The following LGALS8 variants were observed in gnomAD, a reference collection of about 807,000 sequenced individuals.
LGALS8 encodes the protein galectin 8.
LGALS8 carries 30 observed loss-of-function variants against 35.9 expected under a neutral mutation model. The ratio of observed to expected loss-of-function variants is 0.83; its 90% CI spans 0.62 to 1.13. The LOEUF (loss-of-function observed/expected upper bound fraction) is 1.13. Ranked by LOEUF, LGALS8 falls within the 50% of genes most tolerant of loss-of-function variation. LGALS8 has a pLI of 0.00. For missense variants in LGALS8, 366 were observed against 388.7 expected, an observed-to-expected ratio of 0.94 and a Z score of 0.49; for synonymous variants, 138 against 136.1, an observed-to-expected ratio of 1.01 and a Z score of -0.10.
rs1571988021 is a variant in LGALS8, at chr1:236,526,037, G to T, written c.-34G>T. 6.3e-7 allele frequency: 1 copy of T among 1,592,306 alleles called. No individual in the cohort carries two copies. The highest frequency in any genetic ancestry group is 8.6e-7 in the Non-Finnish European group (1 of 1,160,706). ...TGCCTAAAATCTTAGGTCATACACA[G>T]AAGAGACTCCAATCGACAAGAAGCT... is the stretch of plus-strand genomic sequence containing the variant. On this transcript the variant is annotated 5_prime_UTR_variant, in exon 2 of 10. Transcript: ENST00000366584. The surrounding 1 kb of genome is among the most constrained non-coding windows in gnomAD (Gnocchi z 4.6).
chr1:236,543,658 C>T lies in LGALS8; in HGVS notation c.638+10C>T, dbSNP rs1662170135. 1.9e-6 allele frequency: 3 copies of T among 1,599,290 alleles called. No homozygotes were observed. Among genetic ancestry groups the T allele is most frequent in the Non-Finnish European group, 2.6e-6 (3 of 1,166,646 alleles). ...ATGCAAATGCCAAAAGGTCAGTATCCTTCGGTACCAGTCACAGTGCAGATA... is the reference window on the plus strand; with the variant it reads ...ATGCAAATGCCAAAAGGTCAGTATCTTTCGGTACCAGTCACAGTGCAGATA... On this transcript the variant is annotated intron_variant, in intron 8 of 9. Coordinates refer to ENST00000366584, the MANE Select transcript of LGALS8 (RefSeq NM_201544.4).
At chr1:236,543,356 T>G in intron 7 of LGALS8, 1 of 691,646 alleles carries the variant, frequency 1.4e-6, no homozygotes, top group Non-Finnish European at 2.6e-6. Context: ...TTTCATCGTC[T>G]AAAATGTAAT....
Position 236,540,592 on chromosome 1 carries a change from T to C in LGALS8, c.374T>C (p.Leu125Pro). Residue 125 changes from leucine (L) to proline (P), a missense_variant, in exon 5 of 10, where the codon CTC becomes CCC. Leu to Pro is a moderately conservative substitution (Grantham distance 98). Coordinates refer to ENST00000366584, the MANE Select transcript of LGALS8 (RefSeq NM_201544.4). ...QVAVNGKHTLLYGHRIGPEKI... is the reference protein window; with the variant it reads ...QVAVNGKHTLPYGHRIGPEKI... ...GCTGTAAATGGAAAACATACTCTGC[T>C]CTATGGCCACAGGATCGGCCCAGAG... 1.2e-6 allele frequency: 2 copies of C among 1,611,418 alleles called. No homozygotes were observed. The highest frequency in any genetic ancestry group is 1.7e-6 in the Non-Finnish European group (2 of 1,178,850).
At chr1:236,524,647 T>C in intron 1 of LGALS8, 1 of 348,298 alleles carries the variant, frequency 2.9e-6, no homozygotes, top group Non-Finnish European at 5.7e-6. Flanking sequence ...GTGTTCATGC[T>C]GGCGGGACCT....
chr1:236,537,410 T>TC lies in LGALS8; in HGVS notation c.46-86dup, dbSNP rs1157227311. The TC allele has an allele frequency of 6.3e-5, 51 of 803,342 alleles. No homozygotes were observed. The South Asian group carries it at 6.8e-4, about 11-fold the overall frequency. The allele number at this position is 803,342 out of a possible 1,614,324, so 49.8% of individuals were successfully genotyped here. A position where few individuals can be genotyped will look rare whatever the true frequency, so the allele number is the denominator to read the frequency against. On this transcript the variant is annotated intron_variant, in intron 2 of 9. Coordinates refer to ENST00000366584, the MANE Select transcript of LGALS8 (RefSeq NM_201544.4). The stretch of plus-strand genomic sequence containing the variant: ...GTGCAGCCTTAAAAAGTGTAGTTTT[T>TC]CTCTATCAATAATGAGTGTGGGTTG...
chr1:236,544,722 G>GT (rs5781896), intron 8 of LGALS8, 28 bp from the exon 9 acceptor site: 9,540 of 1,326,186 alleles, frequency 7.2e-3, no homozygotes, highest in South Asian at 0.022. Context: ...GTTAATTAAG[G>GT]TTTTTTTTTT....
Position 236,544,694 on chromosome 1 carries a change from A to C in LGALS8, c.639-56A>C, listed in dbSNP as rs1662248290. ...GGTCACTAACATTGCTGAAATTGCCACTACTCTGTCCTACTTGGTTAATTA... is the reference window on the plus strand; with the variant it reads ...GGTCACTAACATTGCTGAAATTGCCCCTACTCTGTCCTACTTGGTTAATTA... On this transcript the variant is annotated intron_variant, in intron 8 of 9. Coordinates refer to ENST00000366584, the MANE Select transcript of LGALS8 (RefSeq NM_201544.4). The C allele has an allele frequency of 2.1e-6, 3 of 1,403,954 alleles. No homozygotes were observed. The African/African-American group carries it at 4.3e-5, about 20-fold the overall frequency. The allele number at this position is 1,403,954 out of a possible 1,614,324, so 87.0% of individuals were successfully genotyped here.
At chr1:236,543,906 T>C (rs1408335048) in intron 8 of LGALS8, among the ~76,000 whole-genome samples, 1 of 151,866 alleles carries the variant, frequency 6.6e-6, no homozygotes, top group Non-Finnish European at 1.5e-5. Flanking sequence ...ATCCTTGCCT[T>C]GTAGAACTCC....
At chr1:236,523,922 G>A (rs1660645149), upstream of LGALS8, 6 of 358,248 alleles carry the variant, frequency 1.7e-5, no homozygotes, top group South Asian at 1.0e-4. Context: ...GCAGTGAGGC[G>A]CGCGAGCCGG....
At chr1:236,547,346 T>C (rs1284267554) in intron 9 of LGALS8, among the ~76,000 whole-genome samples, 1 of 92,768 alleles carries the variant, frequency 1.1e-5, no homozygotes, top group South Asian at 2.7e-4. Context: ...ACACTGCCGA[T>C]GGATCTGAAT....
chr1:236,518,772 A>T (rs1403416140), upstream of LGALS8, among the ~76,000 whole-genome samples: 1 of 152,194 alleles, frequency 6.6e-6, no homozygotes, highest in Non-Finnish European at 1.5e-5. Context: ...TCTAACTTGT[A>T]TTCCAAAATT....
At chr1:236,528,634 C>T (rs1169796733) in intron 2 of LGALS8, among the ~76,000 whole-genome samples, 2 of 146,918 alleles carry the variant, frequency 1.4e-5, no homozygotes, top group Non-Finnish European at 3.0e-5. Context: ...CCACTGCAAC[C>T]TCCACCTCCT....
chr1:236,540,790 C>T, intron 5 of LGALS8, 107 bp downstream of exon 5: 2 of 1,153,604 alleles, frequency 1.7e-6, no homozygotes, highest in Non-Finnish European at 2.4e-6. Flanking sequence ...GGACGTATCT[C>T]CCTGACTGTA....
rs987982408 is a variant in LGALS8 at position 236,537,156 on chromosome 1, A to G, written c.46-341A>G. ...CTCAGCCTCCCGAGTAGCTGGGACT[A>G]CAGGCGCCCACCACCACACCCGGCT... On this transcript the variant is annotated intron_variant, in intron 2 of 9. Coordinates refer to ENST00000366584, the MANE Select transcript of LGALS8 (RefSeq NM_201544.4). Among the ~76,000 whole-genome samples, 5 of 151,440 alleles carry G rather than the reference A, an allele frequency of 3.3e-5. No individual in the cohort carries two copies. The East Asian group carries it at 7.7e-4, about 23-fold the overall frequency.
chr1:236,545,778 G>A (rs1662325681), intron 9 of LGALS8, among the ~76,000 whole-genome samples: 1 of 151,340 alleles, frequency 6.6e-6, no homozygotes, highest in Admixed American at 6.6e-5. Flanking sequence ...GTTCCCTGAA[G>A]TTGTGGATAT....
chr1:236,543,471 G>A (rs538157001), intron 7 of LGALS8, 89 bp from the exon 8 acceptor site: 8 of 994,762 alleles, frequency 8.0e-6, no homozygotes, highest in South Asian at 6.5e-5. Flanking sequence ...TCATGGCTCT[G>A]AAACATTCCG....
chr1:236,540,945 A>G (rs1661950096), intron 5 of LGALS8, among the ~76,000 whole-genome samples: 1 of 152,190 alleles, frequency 6.6e-6, no homozygotes, highest in Non-Finnish European at 1.5e-5. Context: ...TTTCCTTTGC[A>G]TGGGCATAAA....
intron 4 of LGALS8, 145 bp downstream of exon 4, chr1:236,539,234 C>T (rs1661790602): frequency 3.1e-6 from 2 of 647,444 alleles, no homozygotes; most frequent in Admixed American, 3.0e-5. Flanking sequence ...CATAAAAGGA[C>T]CAGGAAGGCA....
At position 236,540,605 on chromosome 1, in the gene LGALS8, G is replaced by T. The variant is rs1256208716; in HGVS notation, c.387G>T (p.Arg129Ser). Residue 129 changes from arginine to serine, a missense_variant, in exon 5 of 10, where the codon AGG becomes AGT. Transcript: ENST00000366584. The part of the protein sequence containing the change: ...NGKHTLLYGH[R>S]IGPEKIDTLG... ...AACATACTCTGCTCTATGGCCACAG[G>T]ATCGGCCCAGAGAAAATAGACACTC... The T allele has an allele frequency of 6.2e-7, 1 of 1,610,910 alleles. No individual in the cohort carries two copies. Among genetic ancestry groups the T allele is most frequent in the Non-Finnish European group, 8.5e-7 (1 of 1,178,682 alleles).
Sources: allele counts gnomAD v4.1 joint callset (sites outside exome capture counted in the v4.1 genomes callset), GRCh38; gene constraint gnomAD v4.1.1; non-coding constraint Gnocchi (gnomAD v3.1); transcripts MANE v1.5; gene names NCBI Gene and HGNC (gene_info 2026-07-23, HGNC 2026-07-21).